The following NUP160 variants were observed in gnomAD, a reference collection of about 807,000 sequenced individuals.
NUP160 encodes the protein nuclear pore complex protein Nup160.
A neutral mutation model predicts 196.9 loss-of-function variants in NUP160; 94 were observed. That is an observed-to-expected ratio of 0.48 (90% CI 0.40 to 0.57). The LOEUF is 0.57. Ranked by LOEUF, NUP160 falls within the 20% of genes least tolerant of loss-of-function variation. The probability of loss-of-function intolerance (pLI) is 0.00; values close to 1 mark genes in which losing one functional copy is unlikely to be tolerated. For synonymous variants in NUP160, 605 were observed against 619.7 expected, an observed-to-expected ratio of 0.98 and a Z score of 0.35; for missense variants, 1,638 against 1,748.3, an observed-to-expected ratio of 0.94 and a Z score of 1.13.
rs138612497 is a variant in NUP160 at position 47,821,728 on chromosome 11, C to T, written c.1273G>A (p.Glu425Lys). 31 of 1,611,392 alleles carry T rather than the reference C, an allele frequency of 1.9e-5. 2 individuals carry two copies. The highest frequency in any genetic ancestry group is 6.7e-5 in the African/African-American group (5 of 74,856). ...ACAGAATTAAGTGACCCATACTGTTCAAAGTTGATGTATTTCACTACTGTT... is the reference window on the plus strand; with the variant it reads ...ACAGAATTAAGTGACCCATACTGTTTAAAGTTGATGTATTTCACTACTGTT... The change falls in exon 9 of 36, where the codon GAA (glutamate) becomes AAA (lysine). Residue 425 changes from glutamate (E) to lysine (K), a missense_variant. Glu to Lys is a moderately conservative substitution (Grantham distance 56, BLOSUM62 1). Around this residue, in one of 3 missense-constraint regions of NUP160, gnomAD observed 1,345 missense variants for 1,470.2 expected, o/e 0.91. Coordinates refer to ENST00000378460, the Ensembl canonical transcript of NUP160.
At position 47,822,261 on chromosome 11, in the gene NUP160, A is replaced by T. The variant is rs76943871; in HGVS notation, c.1102-97T>A. On this transcript the variant is annotated intron_variant, in intron 7 of 35. Coordinates refer to ENST00000378460, the Ensembl canonical transcript of NUP160. ...ACCATTCAGAAACCTTTAAAAAAAA[A>T]TTTTTTTTTTTTTGAAAGAAGAGTC... The T allele has an allele frequency of 2.2e-3, 1,335 of 613,716 alleles. 4 individuals carry two copies. Among genetic ancestry groups the T allele is most frequent in the East Asian group, 0.02 (531 of 26,290 alleles). The allele number at this position is 613,716 out of a possible 1,614,324, so 38.0% of individuals were successfully genotyped here. A position where few individuals can be genotyped will look rare whatever the true frequency, so the allele number is the denominator to read the frequency against.
In NUP160 at chr11:47,817,827, C is replaced by T. The variant is rs572250112; in HGVS notation, c.1431+229G>A. On this transcript the variant is annotated intron_variant, in intron 11 of 35. Transcript: ENST00000378460. ...TAGAGGTTTCTCTTTCTAACTCTGGCATGTGTCACTGATTACTGGGAAAGT... is the reference window on the plus strand; with the variant it reads ...TAGAGGTTTCTCTTTCTAACTCTGGTATGTGTCACTGATTACTGGGAAAGT... Among the ~76,000 whole-genome samples the T allele has an allele frequency of 9.9e-5, 15 of 152,206 alleles. No individual in the cohort carries two copies. The South Asian group carries it at 3.1e-3, about 32-fold the overall frequency.
intron 22 of NUP160, among the ~76,000 whole-genome samples, chr11:47,803,099 C>T (rs1386315758): frequency 6.6e-6 from 1 of 150,584 alleles, no homozygotes; most frequent in African/African-American, 2.4e-5. Context: ...GGGAGGATCG[C>T]TTGAGTCCAG....
intron 20 of NUP160, among the ~76,000 whole-genome samples, chr11:47,805,598 C>A (rs1372404782): frequency 6.6e-6 from 1 of 151,904 alleles, no homozygotes; most frequent in East Asian, 1.9e-4. Flanking sequence ...CGCCTGCCAC[C>A]ATGCCTGGCT....
At chr11:47,847,914 G>T in exon 2 of NUP160, 1 of 1,614,094 alleles carries the variant, frequency 6.2e-7, no homozygotes, top group Non-Finnish European at 8.5e-7. Context: ...AAAGCCTCCC[G>T]CGCTTTCACT....
chr11:47,803,942 C>T (rs182700177), intron 21 of NUP160, among the ~76,000 whole-genome samples: 372 of 152,026 alleles, frequency 2.4e-3, no homozygotes, highest in Middle Eastern at 0.014. Flanking sequence ...TCCCAGCACT[C>T]TGGGGAGACG....
At chr11:47,834,846 G>A (rs1852144013) in intron 7 of NUP160, among the ~76,000 whole-genome samples, 1 of 152,148 alleles carries the variant, frequency 6.6e-6, no homozygotes, top group African/African-American at 2.4e-5. Context: ...GTTTGAGATG[G>A]CTTCCACATG....
exon 13 of NUP160, chr11:47,815,576 T>C (rs2097683967): frequency 1.9e-6 from 3 of 1,613,234 alleles, no homozygotes; most frequent in South Asian, 1.1e-5. Flanking sequence ...GGCATAGAAC[T>C]TGCACCAGAA....
At chr11:47,827,059 T>TATA (rs1851982467) in intron 7 of NUP160, 1 of 455,972 alleles carries the variant, frequency 2.2e-6, no homozygotes, top group African/African-American at 2.0e-5. Flanking sequence ...CTCAACACAA[T>TATA]ATAAAGGGCA....
exon 34 of NUP160, chr11:47,783,080 C>T (rs1402173048): frequency 3.1e-6 from 5 of 1,613,150 alleles, no homozygotes; most frequent in Non-Finnish European, 4.2e-6. Flanking sequence ...TACCTCAATT[C>T]CGAAGTATTG....
intron 2 of NUP160, among the ~76,000 whole-genome samples, chr11:47,846,206 G>A (rs1015898503): frequency 2.0e-5 from 3 of 151,518 alleles, no homozygotes; most frequent in African/African-American, 7.3e-5. Context: ...TGAACTCCCG[G>A]CCTCAAGAGA....
chr11:47,797,371 T>C (rs1292083489), intron 27 of NUP160, among the ~76,000 whole-genome samples: 1 of 152,060 alleles, frequency 6.6e-6, no homozygotes, highest in Non-Finnish European at 1.5e-5. Context: ...CCTGAGTAGC[T>C]GGGATTACAG....
chr11:47,815,227 G>GA, intron 13 of NUP160: 1 of 273,282 alleles, frequency 3.7e-6, no homozygotes, highest in East Asian at 6.8e-5. Flanking sequence ...CAAAAAAAGA[G>GA]AAAAAAAGAA....
chr11:47,819,802 A>T (rs1432018804), intron 9 of NUP160, among the ~76,000 whole-genome samples: 2 of 152,240 alleles, frequency 1.3e-5, no homozygotes, highest in Non-Finnish European at 2.9e-5. Context: ...TTTGCTAGAT[A>T]TTATGCTAGA....
intron 31 of NUP160, among the ~76,000 whole-genome samples, chr11:47,787,490 C>T (rs1271274661): frequency 6.2e-5 from 9 of 145,690 alleles, no homozygotes; most frequent in South Asian, 4.3e-4. Context: ...AGTGCAGAGG[C>T]GCGATCTCAG....
At chr11:47,780,345 C>CGATGTTGTG (rs780482263) in exon 35 of NUP160, 12 of 1,607,398 alleles carry the variant, frequency 7.5e-6, no homozygotes, top group Non-Finnish European at 1.0e-5. Flanking sequence ...TGACTTACTG[C>CGATGTTGTG]GATGTTGTGA....
chr11:47,802,581 G>T (rs1176955258), intron 22 of NUP160, among the ~76,000 whole-genome samples: 1 of 152,096 alleles, frequency 6.6e-6, no homozygotes, highest in African/African-American at 2.4e-5. Context: ...TTTCCTGTCT[G>T]TTTGAAAATT....
intron 27 of NUP160, among the ~76,000 whole-genome samples, chr11:47,793,722 GTTTTTTTTTTTTTTTTTTTT>G (rs750497969): frequency 4.6e-5 from 4 of 87,690 alleles, no homozygotes; most frequent in East Asian, 3.2e-4. Flanking sequence ...TAAGATATCT[GTTTTTTTTTTTTTTTTTTTT>G]TTTTTTTTTT....
At chr11:47,812,148 C>T (rs1436250447) in exon 17 of NUP160, 4 of 1,613,896 alleles carry the variant, frequency 2.5e-6, no homozygotes, top group Non-Finnish European at 2.5e-6. Flanking sequence ...TTTTATGCAC[C>T]CCTCTGCACA....
Sources: allele counts gnomAD v4.1 joint callset (sites outside exome capture counted in the v4.1 genomes callset), GRCh38; gene constraint gnomAD v4.1.1; regional missense constraint gnomAD v4.1.1; transcripts MANE v1.5; gene names NCBI Gene and HGNC (gene_info 2026-07-23, HGNC 2026-07-21).